EHBP1: variants seen among roughly 807,000 people sequenced by gnomAD.
The protein encoded by EHBP1 is EH domain-binding protein 1.
A neutral mutation model predicts 144.0 loss-of-function variants in EHBP1; 55 were observed. That is an observed-to-expected ratio of 0.38 (90% CI 0.31 to 0.48). The LOEUF (loss-of-function observed/expected upper bound fraction) is 0.48, where lower values mean the gene tolerates loss of function less well. Among genes scored for constraint, EHBP1 ranks in the 20% least tolerant of loss-of-function variants. The probability of loss-of-function intolerance (pLI) is 0.98; values close to 1 mark genes in which losing one functional copy is unlikely to be tolerated. For synonymous variants in EHBP1, 469 were observed against 472.7 expected, an observed-to-expected ratio of 0.99 and a Z score of 0.10; for missense variants, 1,200 against 1,364.2, an observed-to-expected ratio of 0.88 and a Z score of 1.90.
intron 10 of EHBP1, among the ~76,000 whole-genome samples, chr2:62,900,125 T>C (rs1048926023): frequency 3.3e-5 from 5 of 152,190 alleles, no homozygotes; most frequent in African/African-American, 9.7e-5. Flanking sequence ...AAGGGTTCTA[T>C]GGTGCATTAA....
intron 1 of EHBP1, among the ~76,000 whole-genome samples, chr2:62,678,163 A>G (rs1458667544): frequency 6.6e-6 from 1 of 152,220 alleles, no homozygotes; most frequent in Non-Finnish European, 1.5e-5. Flanking sequence ...ACTTTTGGAT[A>G]AAAGCCATTT....
intron 14 of EHBP1, among the ~76,000 whole-genome samples, chr2:62,963,958 C>T (rs1045938598): frequency 1.3e-5 from 2 of 151,162 alleles, no homozygotes; most frequent in African/African-American, 2.4e-5. Flanking sequence ...TTTATAGTTG[C>T]GTTTTAGAGG....
chr2:62,979,485 A>G, intron 15 of EHBP1, 150 bp downstream of exon 15: 1 of 823,144 alleles, frequency 1.2e-6, no homozygotes, highest in Non-Finnish European at 1.8e-6. Flanking sequence ...AAGGAAGCAT[A>G]GTAAATTAGA....
At chr2:62,740,084 C>T (rs2038562354) in intron 2 of EHBP1, among the ~76,000 whole-genome samples, 1 of 151,984 alleles carries the variant, frequency 6.6e-6, no homozygotes, top group Admixed American at 6.6e-5. Flanking sequence ...CTTTAAGGTG[C>T]TGTTTCTAAA....
chr2:62,753,345 C>T (rs376130143), intron 3 of EHBP1, among the ~76,000 whole-genome samples: 4 of 152,106 alleles, frequency 2.6e-5, no homozygotes, highest in African/African-American at 9.7e-5. Context: ...TCTCTTCTGG[C>T]TTGTAGAGTT....
intron 14 of EHBP1, among the ~76,000 whole-genome samples, chr2:62,966,524 CAGT>C (rs1452771829): frequency 6.6e-6 from 1 of 152,052 alleles, no homozygotes; most frequent in Non-Finnish European, 1.5e-5. Context: ...GGTTGCTGTG[CAGT>C]AGAAGTGTAA....
At chr2:62,847,508 A>C (rs2048375099) in intron 7 of EHBP1, among the ~76,000 whole-genome samples, 1 of 152,222 alleles carries the variant, frequency 6.6e-6, no homozygotes, top group African/African-American at 2.4e-5. Context: ...GATTAAACTT[A>C]GTCAAAATTT....
rs534425935 is a variant in EHBP1 at position 62,801,466 on chromosome 2, A to G, written c.313-24621A>G. 1.3e-4 allele frequency among the ~76,000 whole-genome samples: 20 copies of G among 152,374 alleles called. No individual in the cohort carries two copies. In the South Asian group the frequency reaches 2.1e-3, roughly 16 times the overall value. On this transcript the variant is annotated intron_variant, in intron 5 of 22. Transcript: ENST00000431489. Reference sequence around the variant, plus strand: ...GCTAAACACTTGAAATGGTGGAAATAATGTAATACATCCCTTCTTTCAGGT... The same window carrying G: ...GCTAAACACTTGAAATGGTGGAAATGATGTAATACATCCCTTCTTTCAGGT...
intron 10 of EHBP1, among the ~76,000 whole-genome samples, chr2:62,890,624 A>G (rs1462814186): frequency 6.6e-6 from 1 of 152,130 alleles, no homozygotes; most frequent in Non-Finnish European, 1.5e-5. Context: ...TTTATTAGCT[A>G]AAGAAACTTT....
chr2:62,745,604 A>G (rs947147375), intron 2 of EHBP1, among the ~76,000 whole-genome samples: 1 of 152,054 alleles, frequency 6.6e-6, no homozygotes, highest in African/African-American at 2.4e-5. Flanking sequence ...AGATATTTGC[A>G]GGTTATACAG....
At chr2:62,715,396 G>A (rs1371572403) in intron 2 of EHBP1, among the ~76,000 whole-genome samples, 2 of 151,648 alleles carry the variant, frequency 1.3e-5, no homozygotes, top group Non-Finnish European at 2.9e-5. Flanking sequence ...TTACAGATGT[G>A]AGCCACCGTG....
At chr2:62,944,105 A>G (rs1294193046) in intron 12 of EHBP1, among the ~76,000 whole-genome samples, 1 of 152,232 alleles carries the variant, frequency 6.6e-6, no homozygotes. Flanking sequence ...TTGTTAAAGC[A>G]TAGTGCTTTT....
chr2:62,941,539 G>GT (rs1264138930), intron 10 of EHBP1, among the ~76,000 whole-genome samples: 1 of 152,120 alleles, frequency 6.6e-6, no homozygotes, highest in African/African-American at 2.4e-5. Context: ...GTGTTTCTTA[G>GT]TAGTATTCTC....
chr2:62,968,571 C>T (rs2058350125), intron 14 of EHBP1, among the ~76,000 whole-genome samples: 1 of 151,930 alleles, frequency 6.6e-6, no homozygotes, highest in South Asian at 2.1e-4. Flanking sequence ...AGGGTTAAGT[C>T]TTATTTATCT....
At chr2:63,006,318 A>G (rs1476468854) in intron 19 of EHBP1, among the ~76,000 whole-genome samples, 1 of 152,030 alleles carries the variant, frequency 6.6e-6, no homozygotes, top group Non-Finnish European at 1.5e-5. Flanking sequence ...ATAAAAAGGA[A>G]TAAATTAAAC....
chr2:62,881,418 GAAA>G (rs371288881), intron 10 of EHBP1, among the ~76,000 whole-genome samples: 1 of 69,776 alleles, frequency 1.4e-5, no homozygotes, highest in Middle Eastern at 8.8e-3. Context: ...AGGAAAAACG[GAAA>G]AAAAAAAAAA....
intron 2 of EHBP1, among the ~76,000 whole-genome samples, chr2:62,730,396 C>T (rs1023327108): frequency 2.0e-5 from 3 of 152,128 alleles, no homozygotes; most frequent in Non-Finnish European, 4.4e-5. Flanking sequence ...TTGTTGGAAT[C>T]ATACATTAGG....
intron 9 of EHBP1, 101 bp downstream of exon 9, chr2:62,865,072 AC>A: frequency 7.6e-7 from 1 of 1,311,830 alleles, no homozygotes; most frequent in South Asian, 1.4e-5. Flanking sequence ...TCATTAATGT[AC>A]ACTTTATAAG....
At chr2:62,847,230 A>C (rs947269847) in intron 7 of EHBP1, among the ~76,000 whole-genome samples, 1 of 152,202 alleles carries the variant, frequency 6.6e-6, no homozygotes, top group African/African-American at 2.4e-5. Flanking sequence ...CTTTTCAATA[A>C]ATGATGCTGA....
Sources: gnomAD v4.1 joint callset for allele counts (sites outside exome capture counted in the v4.1 genomes callset) on GRCh38, gnomAD v4.1.1 for gene constraint, MANE v1.5 for transcripts, NCBI Gene and HGNC (gene_info 2026-07-23, HGNC 2026-07-21) for gene names.